LHFPL6: variants seen among roughly 807,000 people sequenced by gnomAD.
LHFPL6 encodes the protein LHFPL tetraspan subfamily member 6 protein.
Under a neutral mutation model 20.6 loss-of-function variants are expected in LHFPL6, and 9 were observed. That is an observed-to-expected ratio of 0.44 (90% CI 0.26 to 0.76). LHFPL6 has a LOEUF of 0.76. LHFPL6 is among the 30% of genes least tolerant of loss of function. The pLI is 0.20. For synonymous variants in LHFPL6, 105 were observed against 98.7 expected (o/e 1.06, Z -0.38); for missense variants, 218 against 253.5 (o/e 0.86, Z 0.95).
At chr13:39,423,004 C>G (rs148208377) in intron 2 of LHFPL6, among the ~76,000 whole-genome samples, 1 of 152,118 alleles carries the variant, frequency 6.6e-6, no homozygotes, top group Non-Finnish European at 1.5e-5. Context: ...CTCACTATCA[C>G]GAGAACAGCA....
At chr13:39,430,098 A>G (rs973954383) in intron 2 of LHFPL6, among the ~76,000 whole-genome samples, 1 of 152,330 alleles carries the variant, frequency 6.6e-6, no homozygotes, top group South Asian at 2.1e-4. Flanking sequence ...TAGTGATCTC[A>G]TCCTTCTTGT....
chr13:39,399,635 A>T (rs1341755817), intron 2 of LHFPL6, among the ~76,000 whole-genome samples: 1 of 152,232 alleles, frequency 6.6e-6, no homozygotes, highest in Non-Finnish European at 1.5e-5. Flanking sequence ...TCCTATAAAG[A>T]TCACGCTGTG....
intron 2 of LHFPL6, among the ~76,000 whole-genome samples, chr13:39,479,420 T>C (rs1383772847): frequency 6.6e-6 from 1 of 152,136 alleles, no homozygotes; most frequent in East Asian, 1.9e-4. Context: ...ATCACCATGA[T>C]GTAAGCAGGC....
intron 2 of LHFPL6, among the ~76,000 whole-genome samples, chr13:39,461,626 A>G (rs1378365139): frequency 1.3e-5 from 2 of 152,168 alleles, no homozygotes; most frequent in Non-Finnish European, 2.9e-5. Flanking sequence ...AAGATGATTT[A>G]TATTCAGAGA....
chr13:39,383,403 T>G, intron 2 of LHFPL6, among the ~76,000 whole-genome samples: 1 of 152,226 alleles, frequency 6.6e-6, no homozygotes, highest in South Asian at 2.1e-4. Flanking sequence ...GCCCTTTAAG[T>G]TTAAATGTTA....
intron 2 of LHFPL6, among the ~76,000 whole-genome samples, chr13:39,521,239 T>C (rs1270682867): frequency 1.3e-5 from 2 of 152,152 alleles, no homozygotes; most frequent in East Asian, 1.9e-4. Flanking sequence ...AAGTTTGAAG[T>C]AGACTACCTA....
At chr13:39,431,144 G>T (rs1871787598) in intron 2 of LHFPL6, among the ~76,000 whole-genome samples, 1 of 152,078 alleles carries the variant, frequency 6.6e-6, no homozygotes, top group Admixed American at 6.5e-5. Flanking sequence ...CCTGAAGTCA[G>T]CAAGACCACG....
Position 39,439,731 on chromosome 13 carries a change from T to C in LHFPL6, c.386-61205A>G, listed in dbSNP as rs563539464. On this transcript the variant is annotated intron_variant, in intron 2 of 3. Transcript: ENST00000379589. Reference sequence around the variant, plus strand: ...GTGAGTTCTCATGAGATCTGGTTTTTTAAAAGTCTGTAGCACCTCCCCACT... The same window carrying C: ...GTGAGTTCTCATGAGATCTGGTTTTCTAAAAGTCTGTAGCACCTCCCCACT... 2.0e-5 allele frequency among the ~76,000 whole-genome samples: 3 copies of C among 152,226 alleles called. No homozygotes were observed. The South Asian group carries it at 6.2e-4, about 32-fold the overall frequency.
intron 2 of LHFPL6, among the ~76,000 whole-genome samples, chr13:39,491,361 G>C (rs1164124806): frequency 6.6e-6 from 1 of 152,176 alleles, no homozygotes; most frequent in African/African-American, 2.4e-5. Context: ...AGAGCGGAGG[G>C]AGCTTCAAAG....
At chr13:39,569,156 C>CGGATGGATGGAT (rs59443260) in intron 2 of LHFPL6, among the ~76,000 whole-genome samples, 3,766 of 97,310 alleles carry the variant, frequency 0.039, 146 homozygotes, top group East Asian at 0.15. Flanking sequence ...GATGGACGGA[C>CGGATGGATGGAT]GGATGGATGG....
intron 2 of LHFPL6, among the ~76,000 whole-genome samples, chr13:39,527,516 A>G (rs1013434008): frequency 6.6e-6 from 1 of 152,254 alleles, no homozygotes; most frequent in African/African-American, 2.4e-5. Flanking sequence ...GAAAAAAAAA[A>G]AAAAAGCGTT....
chr13:39,404,208 C>A (rs1476156001), intron 2 of LHFPL6, among the ~76,000 whole-genome samples: 1 of 152,152 alleles, frequency 6.6e-6, no homozygotes, highest in African/African-American at 2.4e-5. Flanking sequence ...GGCTTTCTCT[C>A]ACCTATAATA....
chr13:39,503,486 A>G (rs1356824354), intron 2 of LHFPL6, among the ~76,000 whole-genome samples: 1 of 152,064 alleles, frequency 6.6e-6, no homozygotes, highest in Non-Finnish European at 1.5e-5. Context: ...TCTTTTTGCC[A>G]TAGCACAATC....
chr13:39,553,052 G>T (rs2138513457), intron 2 of LHFPL6, among the ~76,000 whole-genome samples: 1 of 152,280 alleles, frequency 6.6e-6, no homozygotes, highest in East Asian at 1.9e-4. Flanking sequence ...ACTTAAAAAT[G>T]TAAAGCATCA....
At chr13:39,372,671 T>A (rs1346280454) in intron 3 of LHFPL6, among the ~76,000 whole-genome samples, 1 of 152,252 alleles carries the variant, frequency 6.6e-6, no homozygotes, top group Non-Finnish European at 1.5e-5. Context: ...AGATTGTTTT[T>A]AAGGCATATA....
chr13:39,568,424 T>C (rs1028670926), intron 2 of LHFPL6, among the ~76,000 whole-genome samples: 2 of 152,166 alleles, frequency 1.3e-5, no homozygotes, highest in African/African-American at 2.4e-5. Flanking sequence ...TCTGAAAATA[T>C]TGCTTCTACC....
intron 3 of LHFPL6, among the ~76,000 whole-genome samples, chr13:39,359,905 T>C (rs1869833338): frequency 6.6e-6 from 1 of 152,232 alleles, no homozygotes; most frequent in African/African-American, 2.4e-5. Flanking sequence ...ATTTGGACTC[T>C]CTTAAAAGTG....
At chr13:39,449,065 G>C (rs552507807) in intron 2 of LHFPL6, among the ~76,000 whole-genome samples, 1 of 152,314 alleles carries the variant, frequency 6.6e-6, no homozygotes, top group South Asian at 2.1e-4. Context: ...CTTTAATAGG[G>C]CAAGGGAGGT....
chr13:39,498,397 T>C (rs1869169621), intron 2 of LHFPL6, among the ~76,000 whole-genome samples: 1 of 152,212 alleles, frequency 6.6e-6, no homozygotes, highest in East Asian at 1.9e-4. Context: ...ATCCTATTTG[T>C]TAAAGTACTT....
Sources: allele counts gnomAD v4.1 joint callset (sites outside exome capture counted in the v4.1 genomes callset), GRCh38; gene constraint gnomAD v4.1.1; transcripts MANE v1.5; gene names NCBI Gene and HGNC (gene_info 2026-07-23, HGNC 2026-07-21).